MRPL35: variants seen among roughly 807,000 people sequenced by gnomAD.
MRPL35 encodes large ribosomal subunit protein bL35m.
MRPL35 carries 18 observed loss-of-function variants against 21.6 expected under a neutral mutation model. That is an observed-to-expected ratio of 0.83 (90% CI 0.58 to 1.24). The LOEUF (loss-of-function observed/expected upper bound fraction) is 1.24, where lower values mean the gene tolerates loss of function less well. Ranked by LOEUF, MRPL35 falls within the 50% of genes most tolerant of loss-of-function variation. The pLI is 0.00. For missense variants in MRPL35, 223 were observed against 223.2 expected (o/e 1.00, Z 0.01); for synonymous variants, 87 against 86.9 (o/e 1.00, Z -0.01).
intron 3 of MRPL35, among the ~76,000 whole-genome samples, chr2:86,209,438 C>T (rs1161252984): frequency 1.3e-5 from 2 of 152,108 alleles, no homozygotes; most frequent in Non-Finnish European, 2.9e-5. Flanking sequence ...ACCTAAGATC[C>T]CTTCTAGTTT....
intron 3 of MRPL35, 93 bp from the exon 4 acceptor site, chr2:86,210,387 T>A: frequency 1.0e-6 from 1 of 998,168 alleles, no homozygotes; most frequent in Non-Finnish European, 1.4e-6. Flanking sequence ...GTCTGGTTTT[T>A]GTTCTTATTG....
Position 86,210,917 on chromosome 2 carries a change from G to T in MRPL35, c.*249G>T. 8.9e-7 allele frequency: 1 copy of T among 1,121,512 alleles called. No homozygotes were observed. 69.5% of individuals were successfully genotyped at this position (1,121,512 alleles called of 1,614,324 possible). A position where few individuals can be genotyped will look rare whatever the true frequency, so the allele number is the denominator to read the frequency against. On this transcript the variant is annotated 3_prime_UTR_variant, in exon 4 of 4. Transcript: ENST00000337109. ...GGTATTGGCTTAACTAGTTGTTTCA[G>T]TTATGCTCTTTTAGTTGCAAGGAAT... is the stretch of plus-strand genomic sequence containing the variant.
At chr2:86,200,570 A>T (rs1673665338) in intron 1 of MRPL35, among the ~76,000 whole-genome samples, 2 of 152,200 alleles carry the variant, frequency 1.3e-5, no homozygotes, top group African/African-American at 4.8e-5. Flanking sequence ...CTGGTTTTGA[A>T]CTTCACATGA....
In MRPL35 at chr2:86,211,905, G is replaced by A; in HGVS notation, c.*1237G>A. On this transcript the variant is annotated 3_prime_UTR_variant, in exon 4 of 4. Coordinates refer to ENST00000337109, the MANE Select transcript of MRPL35 (RefSeq NM_016622.4). ...TTCAACAATCATTGTAGAAACTAAG[G>A]GGGAGAAAGTAATCTCAGTTGTTTT... The A allele has an allele frequency of 1.0e-6, 1 of 985,544 alleles. No individual in the cohort carries two copies. The highest frequency in any genetic ancestry group is 1.2e-6 in the Non-Finnish European group (1 of 830,036). The allele number at this position is 985,544 out of a possible 1,614,324, so 61.0% of individuals were successfully genotyped here. A position where few individuals can be genotyped will look rare whatever the true frequency, so the allele number is the denominator to read the frequency against.
At chr2:86,204,637 G>A (rs1301064892) in intron 1 of MRPL35, among the ~76,000 whole-genome samples, 1 of 152,076 alleles carries the variant, frequency 6.6e-6, no homozygotes, top group Non-Finnish European at 1.5e-5. Flanking sequence ...ACTGATAAGA[G>A]GACTGCATCC....
intron 1 of MRPL35, among the ~76,000 whole-genome samples, chr2:86,202,554 G>T (rs1381462832): frequency 6.6e-6 from 1 of 152,156 alleles, no homozygotes; most frequent in Non-Finnish European, 1.5e-5. Flanking sequence ...ATCTTCCAAA[G>T]ATTACCTCCT....
intron 3 of MRPL35, among the ~76,000 whole-genome samples, chr2:86,210,210 T>C (rs1029305390): frequency 1.3e-5 from 2 of 152,180 alleles, no homozygotes; most frequent in African/African-American, 4.8e-5. Context: ...ACACATTTAG[T>C]TTTATTTTCT....
chr2:86,199,575 G>A (rs759287111), intron 1 of MRPL35, 42 bp downstream of exon 1: 3 of 1,611,924 alleles, frequency 1.9e-6, no homozygotes, highest in East Asian at 2.2e-5. Context: ...CTTCACAGAA[G>A]GGGAAACTGG....
intron 1 of MRPL35, among the ~76,000 whole-genome samples, chr2:86,202,936 G>A (rs893826295): frequency 2.0e-5 from 3 of 151,772 alleles, no homozygotes; most frequent in South Asian, 2.1e-4. Flanking sequence ...GTGATCCGCC[G>A]GGGCCTCCCA....
chr2:86,199,475 G>A lies in MRPL35; in HGVS notation c.-16G>A, dbSNP rs184968025. 8,823 of 1,614,064 alleles carry A rather than the reference G, an allele frequency of 5.5e-3. 32 individuals are homozygous for A. The highest frequency in any genetic ancestry group is 6.2e-3 in the Non-Finnish European group (7,345 of 1,180,010). On this transcript the variant is annotated 5_prime_UTR_variant, in exon 1 of 4. Coordinates refer to ENST00000337109, the MANE Select transcript of MRPL35 (RefSeq NM_016622.4). ...TGCTTTTAAACCCAAAGCGGCCGCC[G>A]TAGGCGAAGGTGAAGATGGCTGCCT...
At chr2:86,201,064 A>T (rs201498217) in intron 1 of MRPL35, among the ~76,000 whole-genome samples, 1 of 152,188 alleles carries the variant, frequency 6.6e-6, no homozygotes, top group African/African-American at 2.4e-5. Flanking sequence ...CATGAGTCCA[A>T]TTGTTTCTGA....
Position 86,212,573 on chromosome 2 carries a change from T to C in MRPL35, c.*1905T>C. ...TTTTGCACAGCCTCCATGATGTCTTTATTGCAAATATGGATGACAAGGGTC... is the reference window on the plus strand; with the variant it reads ...TTTTGCACAGCCTCCATGATGTCTTCATTGCAAATATGGATGACAAGGGTC... On this transcript the variant is annotated 3_prime_UTR_variant, in exon 4 of 4. Coordinates refer to ENST00000337109, the MANE Select transcript of MRPL35 (RefSeq NM_016622.4). The C allele has an allele frequency of 6.6e-7, 1 of 1,511,658 alleles. No individual in the cohort carries two copies. Among genetic ancestry groups the C allele is most frequent in the Non-Finnish European group, 8.8e-7 (1 of 1,132,034 alleles). The allele number at this position is 1,511,658 out of a possible 1,614,324, so 93.6% of individuals were successfully genotyped here.
chr2:86,206,248 A>T lies in MRPL35; in HGVS notation c.186A>T (p.Thr62=). 1.2e-6 allele frequency: 2 copies of T among 1,613,632 alleles called. No individual in the cohort carries two copies. Among genetic ancestry groups the T allele is most frequent in the Non-Finnish European group, 1.7e-6 (2 of 1,179,544 alleles). The change falls in exon 2 of 4, where the codon ACA becomes ACT. Residue 62 remains threonine, a synonymous_variant. Coordinates refer to ENST00000337109, the MANE Select transcript of MRPL35 (RefSeq NM_016622.4). ...TTTCCTCCACTCCCAGACTTACCACATCTGAGAGAAACCTGACATGTGGGC... is the reference window on the plus strand; with the variant it reads ...TTTCCTCCACTCCCAGACTTACCACTTCTGAGAGAAACCTGACATGTGGGC... The part of the protein sequence containing the change: ...PVVSSTPRLT[T]SERNLTCGHT...
Position 86,213,530 on chromosome 2 carries a change from C to A in MRPL35, c.*2862C>A. 1 of 1,418,822 alleles carries A rather than the reference C, an allele frequency of 7.0e-7. No homozygotes were observed. Among genetic ancestry groups the A allele is most frequent in the Non-Finnish European group, 9.3e-7 (1 of 1,073,108 alleles). 87.9% of individuals were successfully genotyped at this position (1,418,822 alleles called of 1,614,324 possible). The stretch of plus-strand genomic sequence containing the variant: ...TTTTGAGCTTCCAAGTCTTTGTGGC[C>A]ACCCAATGAAGTTTGAGTCTGCCTG... On this transcript the variant is annotated 3_prime_UTR_variant, in exon 4 of 4. Transcript: ENST00000337109.
At position 86,213,702 on chromosome 2, in the gene MRPL35, A is replaced by T; in HGVS notation, c.*3034A>T. On this transcript the variant is annotated 3_prime_UTR_variant, in exon 4 of 4. Transcript: ENST00000337109. ...GACCAAACGTCTGTTTGCACAATTGAAACTCTACCAGTGGACTATTCTATT... is the reference window on the plus strand; with the variant it reads ...GACCAAACGTCTGTTTGCACAATTGTAACTCTACCAGTGGACTATTCTATT... 6.5e-7 allele frequency: 1 copy of T among 1,541,430 alleles called. No individual in the cohort carries two copies. Among genetic ancestry groups the T allele is most frequent in the South Asian group, 1.2e-5 (1 of 83,726 alleles).
At position 86,212,639 on chromosome 2, in the gene MRPL35, G is replaced by C. The variant is rs1673930268; in HGVS notation, c.*1971G>C. ...TCAGAGCACCTTCGTTTCTCCTCTA[G>C]ACCAGGGACAGGTGTAGAGATAAGG... On this transcript the variant is annotated 3_prime_UTR_variant, in exon 4 of 4. Coordinates refer to ENST00000337109, the MANE Select transcript of MRPL35 (RefSeq NM_016622.4). 1 of 1,368,312 alleles carries C rather than the reference G, an allele frequency of 7.3e-7. No individual in the cohort carries two copies. Among genetic ancestry groups the C allele is most frequent in the Non-Finnish European group, 9.4e-7 (1 of 1,063,320 alleles). The allele number at this position is 1,368,312 out of a possible 1,614,324, so 84.8% of individuals were successfully genotyped here.
In MRPL35 at chr2:86,211,091, G is replaced by C. The variant is rs958860235; in HGVS notation, c.*423G>C. The C allele has an allele frequency of 4.0e-6, 4 of 988,082 alleles. No homozygotes were observed. The highest frequency in any genetic ancestry group is 4.8e-6 in the Non-Finnish European group (4 of 831,672). The allele number at this position is 988,082 out of a possible 1,614,324, so 61.2% of individuals were successfully genotyped here. A position where few individuals can be genotyped will look rare whatever the true frequency, so the allele number is the denominator to read the frequency against. On this transcript the variant is annotated 3_prime_UTR_variant, in exon 4 of 4. Transcript: ENST00000337109. ...AAATCACCTCCCAGCCTCAGGAAGA[G>C]TAGAAATTGGGTGGTGCTCCTCAGC...
chr2:86,206,451 G>C (rs1673794410), intron 2 of MRPL35, among the ~76,000 whole-genome samples, 156 bp downstream of exon 2: 1 of 152,140 alleles, frequency 6.6e-6, no homozygotes, highest in Non-Finnish European at 1.5e-5. Context: ...TCCTGCCTCA[G>C]CCTCCTAAGT....
chr2:86,213,489 A>G lies in MRPL35; in HGVS notation c.*2821A>G. ...TGCAAAGAAATTGGGTCTGTGTTTAATTTTGATGTTTCAAATTTTGAGCTT... is the reference window on the plus strand; with the variant it reads ...TGCAAAGAAATTGGGTCTGTGTTTAGTTTTGATGTTTCAAATTTTGAGCTT... On this transcript the variant is annotated 3_prime_UTR_variant, in exon 4 of 4. Transcript: ENST00000337109. 1 of 1,368,644 alleles carries G rather than the reference A, an allele frequency of 7.3e-7. No individual in the cohort carries two copies. The highest frequency in any genetic ancestry group is 9.5e-7 in the Non-Finnish European group (1 of 1,049,860). 84.8% of individuals were successfully genotyped at this position (1,368,644 alleles called of 1,614,324 possible).
Sources: allele counts gnomAD v4.1 joint callset (sites outside exome capture counted in the v4.1 genomes callset), GRCh38; gene constraint gnomAD v4.1.1; transcripts MANE v1.5; gene names NCBI Gene and HGNC (gene_info 2026-07-23, HGNC 2026-07-21).